Variants in APMAP observed in about 807,000 individuals in gnomAD.
The protein encoded by APMAP is adipocyte plasma membrane associated protein.
Under a neutral mutation model 43.6 loss-of-function variants are expected in APMAP, and 33 were observed. The ratio of observed to expected loss-of-function variants is 0.76; its 90% CI spans 0.57 to 1.01. The LOEUF (loss-of-function observed/expected upper bound fraction) is 1.01. Among genes scored for constraint, APMAP ranks in the 50% least tolerant of loss-of-function variants. APMAP has a pLI of 0.00. For synonymous variants in APMAP, 224 were observed against 216.7 expected, an observed-to-expected ratio of 1.03 and a Z score of -0.30; for missense variants, 498 against 540.7, an observed-to-expected ratio of 0.92 and a Z score of 0.78.
chr20:24,971,507 AAG>A lies in APMAP; in HGVS notation c.489_490del (p.Phe164CysfsTer10). ...TAGTCCCTTGTATGCATCGGCCACA[AAG>A]AGAGTCCCATTGGGCCCTGCACGGA... On this transcript the variant is annotated frameshift_variant, in exon 5 of 9. Transcript: ENST00000217456. LOFTEE classifies it high-confidence loss of function. The A allele has an allele frequency of 6.2e-7, 1 of 1,614,230 alleles. No homozygotes were observed. Among genetic ancestry groups the A allele is most frequent in the Non-Finnish European group, 8.5e-7 (1 of 1,180,026 alleles).
intron 1 of APMAP, among the ~76,000 whole-genome samples, chr20:24,989,892 G>C (rs1600292471): frequency 6.6e-6 from 1 of 152,152 alleles, no homozygotes; most frequent in East Asian, 1.9e-4. Flanking sequence ...AGAGGAAAAA[G>C]GAAAATGGAC....
At chr20:24,968,840 T>A in intron 8 of APMAP, 52 bp downstream of exon 8, 1 of 1,511,734 alleles carries the variant, frequency 6.6e-7, no homozygotes, top group Non-Finnish European at 8.9e-7. Flanking sequence ...CAAAAAAATA[T>A]GATTCAATTC....
chr20:24,989,441 G>T (rs1272454804), intron 1 of APMAP, among the ~76,000 whole-genome samples: 2 of 152,160 alleles, frequency 1.3e-5, no homozygotes, highest in Non-Finnish European at 2.9e-5. Flanking sequence ...GGCAGATTTT[G>T]AAGGGTATCC....
chr20:24,991,461 A>T (rs552771377), intron 1 of APMAP, among the ~76,000 whole-genome samples: 242 of 152,328 alleles, frequency 1.6e-3, no homozygotes, highest in Middle Eastern at 3.4e-3. Context: ...CGATCTTTTC[A>T]CTGGCCCAAG....
At chr20:24,977,666 C>A (rs1051104782) in intron 3 of APMAP, among the ~76,000 whole-genome samples, 8 of 152,102 alleles carry the variant, frequency 5.3e-5, no homozygotes, top group African/African-American at 1.9e-4. Context: ...TGAGAAGTAA[C>A]CCAGTGAAAA....
At chr20:24,966,918 T>C (rs2087949306) in intron 8 of APMAP, among the ~76,000 whole-genome samples, 1 of 152,132 alleles carries the variant, frequency 6.6e-6, no homozygotes, top group African/African-American at 2.4e-5. Flanking sequence ...GGCCAGCCGC[T>C]AACTCGGAAA....
intron 3 of APMAP, among the ~76,000 whole-genome samples, chr20:24,976,076 T>C (rs2088048068): frequency 6.6e-6 from 1 of 152,158 alleles, no homozygotes; most frequent in African/African-American, 2.4e-5. Context: ...ACAAAACAAA[T>C]TCCTAGAACA....
Position 24,968,985 on chromosome 20 carries a change from G to C in APMAP, c.948C>G (p.Tyr316Ter), listed in dbSNP as rs368430446. The change falls in exon 8 of 9, where the codon TAC (tyrosine) becomes TAG (stop). Residue 316 changes from tyrosine to a stop codon, truncating the protein, a stop_gained. Transcript: ENST00000217456. LOFTEE classifies it high-confidence loss of function. ...GGCGGATGGTCGACATGCCCACCCA[G>C]TACCCCCCAGAGCTGCTGGGCCGGA... ...DNIRPSSSGGYWVGMSTIRPN... is the reference protein window; with the variant it reads ...DNIRPSSSGG The C allele has an allele frequency of 4.3e-6, 7 of 1,613,858 alleles. No homozygotes were observed. The highest frequency in any genetic ancestry group is 5.9e-6 in the Non-Finnish European group (7 of 1,179,956).
chr20:24,969,519 C>A lies in APMAP; in HGVS notation c.848+7G>T, dbSNP rs1184091999. ...GTAACTGATGGCTCAGCTAATCCCA[C>A]ACACACCTTCGTATCCTGGCCATGG... On this transcript the variant is annotated splice_region_variant and intron_variant, in intron 7 of 8. Transcript: ENST00000217456. 1 of 1,605,934 alleles carries A rather than the reference C, an allele frequency of 6.2e-7. No homozygotes were observed. Among genetic ancestry groups the A allele is most frequent in the Non-Finnish European group, 8.5e-7 (1 of 1,173,830 alleles).
intron 1 of APMAP, among the ~76,000 whole-genome samples, chr20:24,992,245 G>A (rs557094663): frequency 6.6e-6 from 1 of 152,196 alleles, no homozygotes; most frequent in Admixed American, 6.5e-5. Context: ...CAGCGCGAGG[G>A]GAGCGAGGGA....
chr20:24,989,913 T>C (rs1462926303), intron 1 of APMAP, among the ~76,000 whole-genome samples: 1 of 152,202 alleles, frequency 6.6e-6, no homozygotes, highest in Non-Finnish European at 1.5e-5. Context: ...CTAGCAGACT[T>C]TTAATTAAAC....
chr20:24,972,799 G>C (rs1409967821), intron 4 of APMAP, among the ~76,000 whole-genome samples: 1 of 151,012 alleles, frequency 6.6e-6, no homozygotes, highest in Non-Finnish European at 1.5e-5. Flanking sequence ...CACCATGGGT[G>C]ATCACTCCAG....
intron 2 of APMAP, among the ~76,000 whole-genome samples, chr20:24,980,546 T>C (rs563847236): frequency 1.4e-5 from 2 of 145,218 alleles, no homozygotes; most frequent in Admixed American, 1.4e-4. Flanking sequence ...CAAGAGGCTA[T>C]GCCACGATGA....
intron 1 of APMAP, among the ~76,000 whole-genome samples, chr20:24,984,337 A>G (rs2088130465): frequency 6.6e-6 from 1 of 152,226 alleles, no homozygotes; most frequent in South Asian, 2.1e-4. Flanking sequence ...ACAAAATGTA[A>G]TGGGGAAAAA....
At chr20:24,968,040 G>A (rs2122484360) in intron 8 of APMAP, among the ~76,000 whole-genome samples, 1 of 152,348 alleles carries the variant, frequency 6.6e-6, no homozygotes, top group South Asian at 2.1e-4. Context: ...CCATAAGCTA[G>A]TATTTCCATA....
At chr20:24,986,563 G>T (rs2088149052) in intron 1 of APMAP, among the ~76,000 whole-genome samples, 1 of 152,216 alleles carries the variant, frequency 6.6e-6, no homozygotes. Context: ...ACAAAGCACA[G>T]AACTACGACC....
chr20:24,978,363 C>G (rs1353698848), intron 3 of APMAP, among the ~76,000 whole-genome samples: 2 of 152,174 alleles, frequency 1.3e-5, no homozygotes, highest in Non-Finnish European at 2.9e-5. Flanking sequence ...ATATTGAGAA[C>G]CATTTGTCTT....
intron 3 of APMAP, among the ~76,000 whole-genome samples, chr20:24,976,629 G>A (rs993342252): frequency 6.6e-6 from 1 of 152,172 alleles, no homozygotes; most frequent in African/African-American, 2.4e-5. Context: ...AACGCTTGGT[G>A]GTTTCTTACA....
intron 5 of APMAP, among the ~76,000 whole-genome samples, chr20:24,970,908 G>A (rs1432147488): frequency 2.0e-5 from 3 of 152,170 alleles, no homozygotes; most frequent in African/African-American, 7.2e-5. Flanking sequence ...CCAGCAGAGT[G>A]GAATGCCCCC....
Sources: gnomAD v4.1 joint callset for allele counts (sites outside exome capture counted in the v4.1 genomes callset) on GRCh38, gnomAD v4.1.1 for gene constraint, MANE v1.5 for transcripts, NCBI Gene and HGNC (gene_info 2026-07-23, HGNC 2026-07-21) for gene names.